GOLPH3L: variants seen among roughly 807,000 people sequenced by gnomAD.
GOLPH3L encodes Golgi phosphoprotein 3-like.
A neutral mutation model predicts 30.3 loss-of-function variants in GOLPH3L; 22 were observed. The observed-to-expected ratio is 0.73, with a 90% confidence interval of 0.52 to 1.04. The LOEUF is 1.04. Among genes scored for constraint, GOLPH3L ranks in the 50% least tolerant of loss-of-function variants. The pLI, the probability that GOLPH3L is intolerant of heterozygous loss-of-function variation, is 0.00. For missense variants in GOLPH3L, 303 were observed against 345.8 expected, an observed-to-expected ratio of 0.88 and a Z score of 0.98; for synonymous variants, 120 against 128.2, an observed-to-expected ratio of 0.94 and a Z score of 0.43.
chr1:150,689,215 C>T (rs587612118), intron 2 of GOLPH3L, among the ~76,000 whole-genome samples: 154 of 152,152 alleles, frequency 1.0e-3, no homozygotes, highest in Middle Eastern at 3.4e-3. Flanking sequence ...TAGGAGAAAG[C>T]TTTCCAAGAA....
chr1:150,695,160 GA>G (rs1468716467), intron 1 of GOLPH3L, among the ~76,000 whole-genome samples: 1 of 152,086 alleles, frequency 6.6e-6, no homozygotes, highest in Admixed American at 6.5e-5. Flanking sequence ...TCTTGAGAGG[GA>G]GTCTTGCTCT....
chr1:150,680,703 T>C (rs762594956), intron 2 of GOLPH3L, among the ~76,000 whole-genome samples: 1 of 152,202 alleles, frequency 6.6e-6, no homozygotes, highest in African/African-American at 2.4e-5. Flanking sequence ...AGTGGCTATT[T>C]ATGCCCAGCA....
At chr1:150,682,066 G>GA (rs34407662) in intron 2 of GOLPH3L, among the ~76,000 whole-genome samples, 57,197 of 143,756 alleles carry the variant, frequency 0.4, 11,098 homozygotes, top group South Asian at 0.56. Flanking sequence ...ATGTCTCAAA[G>GA]AAAAAAAAAA....
chr1:150,695,277 C>T (rs1343447496), intron 1 of GOLPH3L, among the ~76,000 whole-genome samples: 2 of 152,134 alleles, frequency 1.3e-5, no homozygotes, highest in African/African-American at 4.8e-5. Flanking sequence ...GTTGGGATTA[C>T]AGGTGTGCGC....
chr1:150,682,816 A>T (rs915162019), intron 2 of GOLPH3L, among the ~76,000 whole-genome samples: 1 of 152,132 alleles, frequency 6.6e-6, no homozygotes, highest in African/African-American at 2.4e-5. Flanking sequence ...AAACCCTTTG[A>T]TTCAGTATTT....
chr1:150,694,016 C>T (rs1275116574), intron 2 of GOLPH3L: 1 of 280,200 alleles, frequency 3.6e-6, no homozygotes, highest in Non-Finnish European at 7.2e-6. Flanking sequence ...CCCGCCGCCA[C>T]ACATGGCTAA....
intron 4 of GOLPH3L, among the ~76,000 whole-genome samples, chr1:150,655,889 A>C (rs1241578): frequency 0.071 from 10,865 of 152,298 alleles, 1,295 homozygotes; most frequent in African/African-American, 0.25. Context: ...TTCGCCTTTA[A>C]TAGTTATAGA....
intron 3 of GOLPH3L, among the ~76,000 whole-genome samples, chr1:150,663,286 C>A (rs992199990): frequency 1.4e-4 from 22 of 152,022 alleles, no homozygotes; most frequent in African/African-American, 4.8e-4. Context: ...ATGATCCGCC[C>A]GCCTCGGCCT....
At chr1:150,654,612 G>A (rs1650201354) in intron 4 of GOLPH3L, among the ~76,000 whole-genome samples, 1 of 152,184 alleles carries the variant, frequency 6.6e-6, no homozygotes, top group South Asian at 2.1e-4. Context: ...AGATCAACAG[G>A]GAAATATTAT....
At chr1:150,679,885 A>C (rs960955048) in intron 2 of GOLPH3L, among the ~76,000 whole-genome samples, 1 of 152,134 alleles carries the variant, frequency 6.6e-6, no homozygotes, top group Non-Finnish European at 1.5e-5. Context: ...CAGGCAGATC[A>C]CTTGAGGCTG....
chr1:150,692,496 T>C (rs766023478), intron 2 of GOLPH3L, among the ~76,000 whole-genome samples: 4 of 152,214 alleles, frequency 2.6e-5, no homozygotes, highest in Non-Finnish European at 5.9e-5. Flanking sequence ...AGCCATCCTC[T>C]TGACTCAGCC....
chr1:150,689,830 G>T (rs1253038228), intron 2 of GOLPH3L, among the ~76,000 whole-genome samples: 1 of 151,794 alleles, frequency 6.6e-6, no homozygotes, highest in Non-Finnish European at 1.5e-5. Context: ...TAGAGATGGG[G>T]TTTCACCATG....
At chr1:150,660,196 T>C (rs1002991184) in intron 4 of GOLPH3L, among the ~76,000 whole-genome samples, 1 of 152,118 alleles carries the variant, frequency 6.6e-6, no homozygotes, top group African/African-American at 2.4e-5. Context: ...ACTATTTTCA[T>C]TTGAAAATAA....
rs180750918 is a variant in GOLPH3L, at chr1:150,677,217, T to C, written c.184-13454A>G. The stretch of plus-strand genomic sequence containing the variant: ...TCCTGAGTAGCTGGGATTACAGGCA[T>C]GAGCCACCGTGCCTGGCCTATTTAT... On this transcript the variant is annotated intron_variant, in intron 2 of 4. Coordinates refer to ENST00000271732, the MANE Select transcript of GOLPH3L (RefSeq NM_018178.6). Among the ~76,000 whole-genome samples the C allele has an allele frequency of 9.5e-4, 145 of 152,144 alleles. 1 individual carries two copies. Among genetic ancestry groups the C allele is most frequent in the African/African-American group, 3.4e-3 (141 of 41,516 alleles).
At chr1:150,689,949 T>A (rs769194569) in intron 2 of GOLPH3L, among the ~76,000 whole-genome samples, 2 of 151,852 alleles carry the variant, frequency 1.3e-5, no homozygotes, top group Admixed American at 6.6e-5. Context: ...AGATGCTTAA[T>A]ATTTTAAAAC....
chr1:150,678,064 C>A (rs1209673607), intron 2 of GOLPH3L, among the ~76,000 whole-genome samples: 2 of 151,542 alleles, frequency 1.3e-5, no homozygotes, highest in Non-Finnish European at 2.9e-5. Context: ...CTTTGGGAGG[C>A]TGATGTGGGC....
At chr1:150,673,329 C>T (rs754737711) in intron 2 of GOLPH3L, among the ~76,000 whole-genome samples, 1 of 151,948 alleles carries the variant, frequency 6.6e-6, no homozygotes, top group East Asian at 1.9e-4. Context: ...TTTGGGAAGC[C>T]GAGGCGGGCG....
At position 150,661,941 on chromosome 1, in the gene GOLPH3L, G is replaced by GA. The variant is rs1259045795; in HGVS notation, c.316-14dup. On this transcript the variant is annotated splice_polypyrimidine_tract_variant and intron_variant, in intron 3 of 4. Coordinates refer to ENST00000271732, the MANE Select transcript of GOLPH3L (RefSeq NM_018178.6). ...ACTTTAGCAGTACCTTTGAGAAAAG[G>GA]AGAAAGAAGGAACCCTGATTCCTTC... 9.2e-7 allele frequency: 1 copy of GA among 1,082,546 alleles called. No homozygotes were observed. The highest frequency in any genetic ancestry group is 1.4e-6 in the Non-Finnish European group (1 of 694,396). The allele number at this position is 1,082,546 out of a possible 1,614,324, so 67.1% of individuals were successfully genotyped here. A position where few individuals can be genotyped will look rare whatever the true frequency, so the allele number is the denominator to read the frequency against.
rs113891626 is a variant in GOLPH3L, at chr1:150,686,594, G to A, written c.183+8062C>T. On this transcript the variant is annotated intron_variant, in intron 2 of 4. Transcript: ENST00000271732. ...CTATAAAGAGAATGATACCTGCCTT[G>A]CAGGATTAAACAATAGAAACTGCAA... Among the ~76,000 whole-genome samples, 1,224 of 152,264 alleles carry A rather than the reference G, an allele frequency of 8.0e-3. 9 individuals are homozygous for A. Among genetic ancestry groups the A allele is most frequent in the Non-Finnish European group, 0.011 (734 of 68,020 alleles).
Sources: gnomAD v4.1 joint callset for allele counts (sites outside exome capture counted in the v4.1 genomes callset) on GRCh38, gnomAD v4.1.1 for gene constraint, MANE v1.5 for transcripts, NCBI Gene and HGNC (gene_info 2026-07-23, HGNC 2026-07-21) for gene names.